Variants in AHCTF1 observed in about 807,000 individuals in gnomAD.
AHCTF1 encodes the protein protein ELYS.
Under a neutral mutation model 248.4 loss-of-function variants are expected in AHCTF1, and 24 were observed. That is an observed-to-expected ratio of 0.10 (90% CI 0.07 to 0.14). The LOEUF (loss-of-function observed/expected upper bound fraction) is 0.14, where lower values mean the gene tolerates loss of function less well. Ranked by LOEUF, AHCTF1 falls within the 10% of genes least tolerant of loss-of-function variation. The pLI is 1.00. For synonymous variants in AHCTF1, 786 were observed against 929.8 expected, an observed-to-expected ratio of 0.85 and a Z score of 2.81; for missense variants, 2,206 against 2,636.2, an observed-to-expected ratio of 0.84 and a Z score of 3.57.
In AHCTF1 at chr1:246,855,855, T is replaced by C. The variant is rs1419110710; in HGVS notation, c.4257-28A>G. ...TTAGAAAAAGAAATACATACCTTAG[T>C]GTGTAAGAAGATCCCATCTGCTTTA... On this transcript the variant is annotated intron_variant, in intron 30 of 35. Coordinates refer to ENST00000648844, the MANE Select transcript of AHCTF1 (RefSeq NM_001323342.2). The C allele has an allele frequency of 1.9e-6, 3 of 1,569,574 alleles. No individual in the cohort carries two copies. The African/African-American group carries it at 4.1e-5, about 21-fold the overall frequency.
chr1:246,865,700 A>C (rs563457069), intron 26 of AHCTF1, among the ~76,000 whole-genome samples: 1 of 152,338 alleles, frequency 6.6e-6, no homozygotes, highest in South Asian at 2.1e-4. Context: ...GTGCAACAAA[A>C]GCTACCTACC....
At chr1:246,887,169 T>C (rs775852735) in intron 20 of AHCTF1, 42 bp downstream of exon 20, 5 of 1,555,264 alleles carry the variant, frequency 3.2e-6, no homozygotes, top group South Asian at 1.2e-5. Context: ...TCTAAAATTC[T>C]AGTAATTCAT....
At chr1:246,847,446 CTTTCG>C (rs1660362571) in intron 33 of AHCTF1, among the ~76,000 whole-genome samples, 2 of 152,156 alleles carry the variant, frequency 1.3e-5, no homozygotes, top group African/African-American at 4.8e-5. Context: ...AATGGTGATT[CTTTCG>C]ATGGCTGGAT....
intron 21 of AHCTF1, among the ~76,000 whole-genome samples, chr1:246,884,013 A>G (rs1209913421): frequency 1.3e-5 from 2 of 152,196 alleles, no homozygotes; most frequent in Admixed American, 6.5e-5. Flanking sequence ...CGTAAGCATT[A>G]GTGATTAAGT....
chr1:246,859,500 G>A (rs909338005), intron 29 of AHCTF1, among the ~76,000 whole-genome samples: 1 of 152,130 alleles, frequency 6.6e-6, no homozygotes, highest in Non-Finnish European at 1.5e-5. Context: ...TCAACACCTA[G>A]AATAAACACA....
At position 246,861,261 on chromosome 1, in the gene AHCTF1, G is replaced by A. The variant is rs758571381; in HGVS notation, c.3770C>T (p.Thr1257Ile). Reference sequence around the variant, plus strand: ...CACTGGAACTGCACATTTTTTAGGTGTAGTAAATACTTCTAATTTGCTATC... The same window carrying A: ...CACTGGAACTGCACATTTTTTAGGTATAGTAAATACTTCTAATTTGCTATC... Reference protein sequence around the residue: ...ADDSKLEVFTTPKKCAVPVET... With the variant: ...ADDSKLEVFTIPKKCAVPVET... Residue 1257 changes from threonine to isoleucine, a missense_variant, in exon 29 of 36, where the codon ACA (threonine) becomes ATA (isoleucine). By Grantham distance (89) the Thr-to-Ile change is moderately conservative. Transcript: ENST00000648844. 20 of 1,611,790 alleles carry A rather than the reference G, an allele frequency of 1.2e-5. No homozygotes were observed. The African/African-American group carries it at 2.1e-4, about 17-fold the overall frequency.
chr1:246,842,314 G>T (rs1659930131), intron 35 of AHCTF1, among the ~76,000 whole-genome samples: 1 of 152,066 alleles, frequency 6.6e-6, no homozygotes, highest in Non-Finnish European at 1.5e-5. Context: ...GGGTGCAGTG[G>T]CTCACACCTG....
At chr1:246,884,714 T>C (rs114463419) in intron 21 of AHCTF1, among the ~76,000 whole-genome samples, 3,734 of 152,270 alleles carry the variant, frequency 0.025, 170 homozygotes, top group African/African-American at 0.084. Flanking sequence ...TTAGAGAACA[T>C]TAAAATCTGC....
At chr1:246,875,946 A>C in intron 24 of AHCTF1, 91 bp downstream of exon 24, 1 of 1,258,602 alleles carries the variant, frequency 7.9e-7, no homozygotes, top group Non-Finnish European at 1.1e-6. Flanking sequence ...TGTTAGCGAA[A>C]GTAGCTAAAT....
At chr1:246,924,151 A>G (rs1572476565) in intron 1 of AHCTF1, among the ~76,000 whole-genome samples, 1 of 152,202 alleles carries the variant, frequency 6.6e-6, no homozygotes. Context: ...TCAAACTGAA[A>G]CCTGTGGTAA....
Position 246,931,894 on chromosome 1 carries a change from C to G in AHCTF1, c.-324G>C, listed in dbSNP as rs1392557572. On this transcript the variant is annotated 5_prime_UTR_variant, in exon 1 of 36. Coordinates refer to ENST00000648844, the MANE Select transcript of AHCTF1 (RefSeq NM_001323342.2). ...GTCCTTCCCCTTGCAACGCTGCCTGCTCGCCTCGGACAGCGCCGGCCCCGC... is the reference window on the plus strand; with the variant it reads ...GTCCTTCCCCTTGCAACGCTGCCTGGTCGCCTCGGACAGCGCCGGCCCCGC... 1 of 152,734 alleles carries G rather than the reference C, an allele frequency of 6.5e-6. No homozygotes were observed. The highest frequency in any genetic ancestry group is 2.4e-5 in the African/African-American group (1 of 41,460). The allele number at this position is 152,734 out of a possible 1,614,324, so 9.5% of individuals were successfully genotyped here. A position where few individuals can be genotyped will look rare whatever the true frequency, so the allele number is the denominator to read the frequency against.
In AHCTF1 at chr1:246,857,580, AG is replaced by A. The variant is rs1304766170; in HGVS notation, c.4256+110del. 6 of 1,120,636 alleles carry A rather than the reference AG, an allele frequency of 5.4e-6. No homozygotes were observed. In the African/African-American group the frequency reaches 8.0e-5, roughly 15 times the overall value. 69.4% of individuals were successfully genotyped at this position (1,120,636 alleles called of 1,614,324 possible). On this transcript the variant is annotated intron_variant, in intron 30 of 35. Transcript: ENST00000648844. ...AAAACAGCCAACATTACCAAAATGG[AG>A]ATGTTAAAGATCTAAGTGAAATCTA...
intron 25 of AHCTF1, 120 bp downstream of exon 25, chr1:246,867,540 GT>G: frequency 7.6e-7 from 1 of 1,307,708 alleles, no homozygotes; most frequent in Non-Finnish European, 1.1e-6. Flanking sequence ...AACATAAAGA[GT>G]TTTTCTTTTT....
chr1:246,899,646 T>G (rs1664854689), intron 10 of AHCTF1, 134 bp from the exon 11 acceptor site: 8 of 625,454 alleles, frequency 1.3e-5, no homozygotes, highest in African/African-American at 1.9e-5. Flanking sequence ...AATAAACTTT[T>G]CTAGGTATTT....
intron 21 of AHCTF1, among the ~76,000 whole-genome samples, chr1:246,884,681 T>A (rs552570011): frequency 1.3e-5 from 2 of 152,184 alleles, no homozygotes; most frequent in South Asian, 4.1e-4. Context: ...TAATCATTAT[T>A]ATGTAAATGA....
chr1:246,868,005 C>G (rs978006629), intron 24 of AHCTF1, among the ~76,000 whole-genome samples, 194 bp from the exon 25 acceptor site: 16 of 149,658 alleles, frequency 1.1e-4, no homozygotes, highest in Non-Finnish European at 1.6e-4. Context: ...CTGTGTCACT[C>G]AAGCTGGAGG....
intron 21 of AHCTF1, among the ~76,000 whole-genome samples, chr1:246,878,717 T>C (rs1489965245): frequency 6.6e-6 from 1 of 152,118 alleles, no homozygotes; most frequent in African/African-American, 2.4e-5. Context: ...GAATACAAAG[T>C]TACTTGGGGA....
At chr1:246,905,487 ACT>A in intron 6 of AHCTF1, 52 bp downstream of exon 6, 2 of 1,418,180 alleles carry the variant, frequency 1.4e-6, no homozygotes, top group Non-Finnish European at 2.0e-6. Flanking sequence ...ACAGAGCGAG[ACT>A]CTGTCTCCAA....
intron 12 of AHCTF1, 128 bp from the exon 13 acceptor site, chr1:246,896,053 A>C (rs1180545318): frequency 1.6e-6 from 1 of 639,648 alleles, no homozygotes; most frequent in Non-Finnish European, 2.7e-6. Flanking sequence ...GAAGGGCTAT[A>C]ATCAAAAGAC....
Sources: gnomAD v4.1 joint callset for allele counts (sites outside exome capture counted in the v4.1 genomes callset) on GRCh38, gnomAD v4.1.1 for gene constraint, MANE v1.5 for transcripts, NCBI Gene and HGNC (gene_info 2026-07-23, HGNC 2026-07-21) for gene names.